Variants in TENM4 observed in about 807,000 individuals in gnomAD.
The protein encoded by TENM4 is teneurin-4.
A neutral mutation model predicts 243.3 loss-of-function variants in TENM4; 82 were observed. The observed-to-expected ratio is 0.34, with a 90% CI of 0.28 to 0.40. TENM4 has a LOEUF of 0.40. Ranked by LOEUF, TENM4 falls within the 10% of genes least tolerant of loss-of-function variation. The pLI is 1.00. For synonymous variants in TENM4, 1,412 were observed against 1,456.3 expected (o/e 0.97, Z 0.69); for missense variants, 3,138 against 3,673.3 (o/e 0.85, Z 3.77).
chr11:79,409,114 G>GTGCGTGCACGCGCACGCACA (rs1565334679), intron 1 of TENM4, among the ~76,000 whole-genome samples: 7 of 143,604 alleles, frequency 4.9e-5, no homozygotes, highest in South Asian at 2.1e-4. Context: ...GCGCGCGCGC[G>GTGCGTGCACGCGCACGCACA]TGCGTGCACG....
At chr11:78,980,598 CA>C (rs1857770302) in intron 6 of TENM4, among the ~76,000 whole-genome samples, 29 of 152,238 alleles carry the variant, frequency 1.9e-4, no homozygotes, top group Admixed American at 1.9e-3. Context: ...ACAATAGTAA[CA>C]GTAGCGAAGT....
intron 4 of TENM4, among the ~76,000 whole-genome samples, chr11:79,103,643 C>T (rs1034781125): frequency 8.5e-5 from 13 of 152,212 alleles, no homozygotes; most frequent in Non-Finnish European, 1.5e-4. Flanking sequence ...CAAAGCACTA[C>T]CTTAATGTAC....
chr11:79,208,485 G>C (rs752600587), intron 3 of TENM4, among the ~76,000 whole-genome samples: 6 of 152,214 alleles, frequency 3.9e-5, no homozygotes, highest in Non-Finnish European at 7.3e-5. Flanking sequence ...TACTCAGGCA[G>C]ATACTGACCA....
At chr11:78,958,447 T>TCTTC (rs1306078678) in intron 6 of TENM4, among the ~76,000 whole-genome samples, 1 of 152,240 alleles carries the variant, frequency 6.6e-6, no homozygotes, top group Non-Finnish European at 1.5e-5. Context: ...TTTAGTGAAA[T>TCTTC]CTTTCTTTAT....
At chr11:78,962,473 C>T (rs1591165928) in intron 6 of TENM4, among the ~76,000 whole-genome samples, 1 of 145,414 alleles carries the variant, frequency 6.9e-6, no homozygotes, top group Non-Finnish European at 1.5e-5. Flanking sequence ...GCTCCCAACA[C>T]GGGGCGATCT....
chr11:79,076,488 C>G (rs1233864994), intron 4 of TENM4: 1 of 152,592 alleles, frequency 6.6e-6, no homozygotes, highest in African/African-American at 2.4e-5. Flanking sequence ...CTTATAGAAC[C>G]ATCAGATCTT....
intron 13 of TENM4, among the ~76,000 whole-genome samples, chr11:78,813,878 C>T (rs986330984): frequency 3.9e-5 from 6 of 152,164 alleles, no homozygotes; most frequent in African/African-American, 1.4e-4. Flanking sequence ...ACAGAGCAGT[C>T]GTCAGGCTCC....
intron 6 of TENM4, among the ~76,000 whole-genome samples, chr11:79,000,789 G>A (rs1858302333): frequency 6.6e-6 from 1 of 152,244 alleles, no homozygotes; most frequent in Non-Finnish European, 1.5e-5. Flanking sequence ...CCAGCACTTT[G>A]GGAGGCTGAG....
intron 19 of TENM4, among the ~76,000 whole-genome samples, chr11:78,739,056 T>C (rs1288179976): frequency 2.0e-5 from 3 of 152,088 alleles, no homozygotes; most frequent in African/African-American, 4.8e-5. Context: ...AACAGTCTCA[T>C]TGGAAGTGAA....
intron 6 of TENM4, among the ~76,000 whole-genome samples, chr11:79,043,813 C>T (rs549730754): frequency 2.6e-5 from 4 of 152,300 alleles, no homozygotes; most frequent in Non-Finnish European, 4.4e-5. Context: ...TCTCTTGCCC[C>T]ACAGTGCTAT....
rs1857933699 is a variant in TENM4 at position 78,657,907 on chromosome 11, A to G, written c.*151T>C. On this transcript the variant is annotated 3_prime_UTR_variant, in exon 34 of 34. Transcript: ENST00000278550. ...GGCCAAATCTGTGTTTTTCTTTTCT[A>G]AAAAAAAGGATGTTGCATGAGTTAC... is the stretch of plus-strand genomic sequence containing the variant. 5 of 1,224,156 alleles carry G rather than the reference A, an allele frequency of 4.1e-6. No individual in the cohort carries two copies. The highest frequency in any genetic ancestry group is 1.5e-5 in the African/African-American group (1 of 66,476). The allele number at this position is 1,224,156 out of a possible 1,614,324, so 75.8% of individuals were successfully genotyped here. A position where few individuals can be genotyped will look rare whatever the true frequency, so the allele number is the denominator to read the frequency against.
intron 3 of TENM4, among the ~76,000 whole-genome samples, chr11:79,193,504 C>T (rs780219858): frequency 6.6e-5 from 10 of 152,172 alleles, no homozygotes; most frequent in South Asian, 2.1e-4. Context: ...GTGGCCCGGC[C>T]GGTCATACTC....
intron 14 of TENM4, among the ~76,000 whole-genome samples, chr11:78,807,268 C>G (rs913898470): frequency 6.6e-6 from 1 of 152,152 alleles, no homozygotes; most frequent in African/African-American, 2.4e-5. Context: ...TTTGAGGAAC[C>G]ATCATGCTGT....
At position 78,910,372 on chromosome 11, in the gene TENM4, G is replaced by A. The variant is rs78627406; in HGVS notation, c.494-6849C>T. The stretch of plus-strand genomic sequence containing the variant: ...GAATGCCAACAGAAAGAGTTATTTG[G>A]CTTCCATTAAAATGCCATCGACTAC... On this transcript the variant is annotated intron_variant, in intron 6 of 33. Coordinates refer to ENST00000278550, the MANE Select transcript of TENM4 (RefSeq NM_001098816.3). Among the ~76,000 whole-genome samples, 12 of 152,316 alleles carry A rather than the reference G, an allele frequency of 7.9e-5. No homozygotes were observed. The East Asian group carries it at 2.3e-3, about 29-fold the overall frequency.
intron 12 of TENM4, among the ~76,000 whole-genome samples, chr11:78,844,098 T>C (rs1277168412): frequency 1.3e-5 from 2 of 152,196 alleles, no homozygotes; most frequent in Non-Finnish European, 2.9e-5. Flanking sequence ...TCACAGACTG[T>C]TTCCTCATCT....
intron 1 of TENM4, among the ~76,000 whole-genome samples, chr11:79,406,397 G>A (rs1342370481): frequency 6.6e-6 from 1 of 152,184 alleles, no homozygotes; most frequent in Non-Finnish European, 1.5e-5. Context: ...AAAACAAGGT[G>A]AATACTGTTG....
intron 3 of TENM4, among the ~76,000 whole-genome samples, chr11:79,184,528 TGGCATGGGGTAGG>T (rs1863347475): frequency 1.5e-5 from 1 of 65,916 alleles, no homozygotes; most frequent in African/African-American, 6.1e-5. Flanking sequence ...TACTGGTCCA[TGGCATGGGGTAGG>T]GGTGTGGGGG....
At chr11:78,803,012 T>C (rs1857312510) in intron 15 of TENM4, among the ~76,000 whole-genome samples, 1 of 151,932 alleles carries the variant, frequency 6.6e-6, no homozygotes, top group Non-Finnish European at 1.5e-5. Flanking sequence ...GCTCATATAA[T>C]GGGCCAAATC....
intron 3 of TENM4, among the ~76,000 whole-genome samples, chr11:79,193,465 A>C (rs1863558218): frequency 6.6e-6 from 1 of 152,182 alleles, no homozygotes; most frequent in Non-Finnish European, 1.5e-5. Context: ...TGTCTGGTGC[A>C]TTGGACTGAG....
Sources: allele counts gnomAD v4.1 joint callset (sites outside exome capture counted in the v4.1 genomes callset), GRCh38; gene constraint gnomAD v4.1.1; transcripts MANE v1.5; gene names NCBI Gene and HGNC (gene_info 2026-07-23, HGNC 2026-07-21).